The following NPHP3 variants were observed in gnomAD, a reference collection of about 807,000 sequenced individuals.
The protein encoded by NPHP3 is nephrocystin 3, also known as nephrocystin-3.
NPHP3 carries 123 observed loss-of-function variants against 171.9 expected under a neutral mutation model. The observed-to-expected ratio is 0.72, with a 90% CI of 0.62 to 0.83. The LOEUF (loss-of-function observed/expected upper bound fraction) is 0.83. Ranked by LOEUF, NPHP3 falls within the 40% of genes least tolerant of loss-of-function variation. NPHP3 has a pLI of 0.00. For missense variants in NPHP3, 1,506 were observed against 1,591.9 expected (o/e 0.95, Z 0.92); for synonymous variants, 558 against 579.2 (o/e 0.96, Z 0.52).
chr3:132,684,171 A>G (rs1414486536), intron 24 of NPHP3, among the ~76,000 whole-genome samples: 1 of 152,220 alleles, frequency 6.6e-6, no homozygotes, highest in Non-Finnish European at 1.5e-5. Flanking sequence ...AATCAACTAC[A>G]AAGACATCTC....
intron 3 of NPHP3, 96 bp from the exon 4 acceptor site, chr3:132,717,005 T>C (rs1433186686): frequency 3.9e-6 from 5 of 1,272,670 alleles, no homozygotes; most frequent in African/African-American, 1.5e-5. Flanking sequence ...TTTTAAAAAA[T>C]ATGAAAATAT....
Position 132,722,291 on chromosome 3 carries a change from G to T in NPHP3, c.65C>A (p.Ala22Glu). ...GGEVIEDTYG[A>E]GGGEACEIPV... ...GATCTCGCAGGCCTCGCCGCCGCCC[G>T]CCCCGTACGTGTCCTCGATCACTTC... is the stretch of plus-strand genomic sequence containing the variant. Residue 22 changes from alanine (A) to glutamate (E), a missense_variant, in exon 1 of 27, where the codon GCG becomes GAG. Ala to Glu is a moderately radical substitution (Grantham distance 107). Around this residue, in one of 3 missense-constraint regions of NPHP3, gnomAD observed 930 missense variants for 924.9 expected, o/e 1.01. Transcript: ENST00000337331. The T allele has an allele frequency of 6.3e-7, 1 of 1,578,530 alleles. No homozygotes were observed. Among genetic ancestry groups the T allele is most frequent in the African/African-American group, 1.4e-5 (1 of 72,324 alleles).
intron 16 of NPHP3, 95 bp downstream of exon 16, chr3:132,694,732 T>C: frequency 1.4e-6 from 2 of 1,474,574 alleles, no homozygotes. Context: ...CTGAAACATA[T>C]TTAAGCACAA....
intron 3 of NPHP3, 144 bp from the exon 4 acceptor site, chr3:132,717,053 C>A: frequency 1.2e-6 from 1 of 862,350 alleles, no homozygotes; most frequent in Non-Finnish European, 1.8e-6. Flanking sequence ...ACTTTGCCAT[C>A]GACTTTTGGC....
chr3:132,688,800 G>A lies in NPHP3; in HGVS notation c.2975C>T (p.Ala992Val). The A allele has an allele frequency of 6.2e-7, 1 of 1,614,072 alleles. No homozygotes were observed. ...CTTCTTCCACTGCACGTATACACTTGCTAGTTGGTGGAGGGACTGGGCTAC... is the reference window on the plus strand; with the variant it reads ...CTTCTTCCACTGCACGTATACACTTACTAGTTGGTGGAGGGACTGGGCTAC... ...PRVAQSLHQL[A>V]SVYVQWKKFG... The change falls in exon 21 of 27, where the codon GCA becomes GTA. Residue 992 changes from alanine to valine, a missense_variant. Coordinates refer to ENST00000337331, the MANE Select transcript of NPHP3 (RefSeq NM_153240.5).
At chr3:132,698,313 TGTC>T (rs1939510718) in intron 13 of NPHP3, among the ~76,000 whole-genome samples, 1 of 152,004 alleles carries the variant, frequency 6.6e-6, no homozygotes, top group African/African-American at 2.4e-5. Flanking sequence ...GTTTCACTCT[TGTC>T]GTCCAGGCTG....
At chr3:132,704,017 T>G (rs569934602) in intron 9 of NPHP3, among the ~76,000 whole-genome samples, 181 bp downstream of exon 9, 1 of 152,358 alleles carries the variant, frequency 6.6e-6, no homozygotes, top group Admixed American at 6.5e-5. Context: ...TAAGCACATT[T>G]GAATCTCACA....
intron 1 of NPHP3, among the ~76,000 whole-genome samples, chr3:132,720,856 G>GC (rs1940192908): frequency 1.3e-5 from 2 of 151,898 alleles, no homozygotes; most frequent in Non-Finnish European, 2.9e-5. Flanking sequence ...GACCAGAGGG[G>GC]CCCCAAACTG....
chr3:132,697,303 A>G lies in NPHP3; in HGVS notation c.2045T>C (p.Ile682Thr). 3.1e-6 allele frequency: 5 copies of G among 1,612,456 alleles called. No individual in the cohort carries two copies. The highest frequency in any genetic ancestry group is 4.2e-6 in the Non-Finnish European group (5 of 1,179,422). Residue 682 changes from isoleucine to threonine, a missense_variant, in exon 14 of 27, where the codon ATT becomes ACT. Physicochemically the swap from Ile to Thr is moderately conservative, Grantham distance 89. This residue lies in a region of NPHP3 where 930 missense variants were observed against 924.9 expected (regional missense o/e 1.01). Transcript: ENST00000337331. ...LSPKDAKSII[I>T]AECHSVDIKL... ...AATGTCTACAGAGTGGCATTCTGCA[A>G]TTATAATAGATTTTGCATCTTTTGG...
At chr3:132,708,359 A>G in intron 6 of NPHP3, 102 bp from the exon 7 acceptor site, 2 of 1,172,370 alleles carry the variant, frequency 1.7e-6, no homozygotes, top group South Asian at 2.5e-5. Flanking sequence ...TACAGTGACA[A>G]GTGGCCAGAA....
intron 15 of NPHP3, among the ~76,000 whole-genome samples, chr3:132,696,030 A>G (rs1012741952): frequency 2.0e-5 from 3 of 152,202 alleles, no homozygotes; most frequent in African/African-American, 7.2e-5. Flanking sequence ...AACATGGAAT[A>G]AAGAGACAAG....
chr3:132,696,916 A>G (rs759736584), intron 14 of NPHP3, 103 bp from the exon 15 acceptor site: 154 of 906,604 alleles, frequency 1.7e-4, no homozygotes, highest in Non-Finnish European at 2.6e-4. Flanking sequence ...GACAGAAATA[A>G]CACTATTGCT....
At chr3:132,712,363 CAA>C (rs1398182729) in intron 6 of NPHP3, 138 of 452,764 alleles carry the variant, frequency 3.0e-4, no homozygotes, top group African/African-American at 2.0e-5. Context: ...TAGGGGTTAT[CAA>C]CTTTTTCTGT....
At position 132,701,487 on chromosome 3, in the gene NPHP3, G is replaced by A. The variant is rs1309124422; in HGVS notation, c.1571C>T (p.Pro524Leu). 11 of 1,613,718 alleles carry A rather than the reference G, an allele frequency of 6.8e-6. No individual in the cohort carries two copies. The highest frequency in any genetic ancestry group is 8.5e-6 in the Non-Finnish European group (10 of 1,179,826). Residue 524 changes from proline to leucine, a missense_variant, in exon 10 of 27, where the codon CCA becomes CTA. Physicochemically the swap from Pro to Leu is moderately conservative, Grantham distance 98 (BLOSUM62 -3). Around this residue, in one of 3 missense-constraint regions of NPHP3, gnomAD observed 930 missense variants for 924.9 expected, o/e 1.01. Transcript: ENST00000337331. ...NDLVAAPAPI[P>L]PLLVSGGPGS... ...TGGTCCTCCAGACACGAGAAGAGGT[G>A]GAATCGGGGCTGGTGCTGCCACTAG...
chr3:132,715,263 C>T (rs763273255), intron 4 of NPHP3, 45 bp from the exon 5 acceptor site: 7 of 1,558,956 alleles, frequency 4.5e-6, no homozygotes, highest in Non-Finnish European at 6.2e-6. Context: ...TACCAGAACA[C>T]ATTTGATCAT....
intron 6 of NPHP3, among the ~76,000 whole-genome samples, chr3:132,709,400 A>C (rs892849624): frequency 6.8e-6 from 1 of 147,816 alleles, no homozygotes; most frequent in East Asian, 2.0e-4. Flanking sequence ...CTCCCACCTC[A>C]GCCTACCGAG....
chr3:132,689,280 C>T lies in NPHP3; in HGVS notation c.2694-17G>A, dbSNP rs1939240466. 6.2e-7 allele frequency: 1 copy of T among 1,613,192 alleles called. No individual in the cohort carries two copies. The highest frequency in any genetic ancestry group is 2.2e-5 in the East Asian group (1 of 44,886). The stretch of plus-strand genomic sequence containing the variant: ...AAGTGTCCCCTGTTTCAACAAATAA[C>T]AGTACTTTAATGAAAAACACACTTT... On this transcript the variant is annotated splice_polypyrimidine_tract_variant and intron_variant, in intron 19 of 26. Coordinates refer to ENST00000337331, the MANE Select transcript of NPHP3 (RefSeq NM_153240.5).
chr3:132,690,194 C>T (rs1013849244), intron 19 of NPHP3, among the ~76,000 whole-genome samples: 2 of 152,186 alleles, frequency 1.3e-5, no homozygotes, highest in Admixed American at 6.5e-5. Context: ...TTGAAGGCTA[C>T]GCTTTCAGAT....
intron 9 of NPHP3, among the ~76,000 whole-genome samples, chr3:132,701,789 G>A (rs1939613957): frequency 6.6e-6 from 1 of 152,206 alleles, no homozygotes; most frequent in African/African-American, 2.4e-5. Context: ...TTGGGAGGCT[G>A]AGGCGGGTGG....
Sources: allele counts gnomAD v4.1 joint callset (sites outside exome capture counted in the v4.1 genomes callset), GRCh38; gene constraint gnomAD v4.1.1; regional missense constraint gnomAD v4.1.1; transcripts MANE v1.5; gene names NCBI Gene and HGNC (gene_info 2026-07-23, HGNC 2026-07-21).